Variants in FLT3 observed in about 807,000 individuals in gnomAD.
FLT3 encodes the protein receptor-type tyrosine-protein kinase FLT3.
A neutral mutation model predicts 126.6 loss-of-function variants in FLT3; 46 were observed. The observed-to-expected ratio is 0.36, with a 90% CI of 0.29 to 0.46. FLT3 has a LOEUF of 0.46. FLT3 is among the 20% of genes least tolerant of loss of function. FLT3 has a pLI of 1.00. For synonymous variants in FLT3, 404 were observed against 434.4 expected (o/e 0.93, Z 0.87); for missense variants, 1,069 against 1,190.3 (o/e 0.90, Z 1.50).
chr13:28,094,542 C>T (rs541921191), intron 1 of FLT3, among the ~76,000 whole-genome samples: 4 of 152,164 alleles, frequency 2.6e-5, no homozygotes, highest in African/African-American at 9.6e-5. Context: ...CTCTGTCACC[C>T]ACGTTAGAGT....
chr13:28,019,830 C>T (rs1290055549), intron 19 of FLT3, among the ~76,000 whole-genome samples: 1 of 152,280 alleles, frequency 6.6e-6, no homozygotes, highest in Non-Finnish European at 1.5e-5. Context: ...CCTGCTTTCT[C>T]CCCACTGCTC....
At chr13:28,042,049 G>A in intron 9 of FLT3, among the ~76,000 whole-genome samples, 1 of 151,734 alleles carries the variant, frequency 6.6e-6, no homozygotes, top group East Asian at 1.9e-4. Flanking sequence ...AGCTATTCGG[G>A]AGGCTGAGGC....
intron 23 of FLT3, among the ~76,000 whole-genome samples, chr13:28,010,772 C>G (rs1871286369): frequency 6.6e-6 from 1 of 151,978 alleles, no homozygotes; most frequent in South Asian, 2.1e-4. Flanking sequence ...CTTGGGAGGC[C>G]GAGGCAGGCG....
intron 2 of FLT3, among the ~76,000 whole-genome samples, chr13:28,068,711 G>A (rs1370099795): frequency 2.6e-5 from 4 of 152,034 alleles, no homozygotes; most frequent in South Asian, 2.1e-4. Flanking sequence ...GACCACAGGC[G>A]CACACCACCA....
chr13:28,006,941 A>AT (rs1222781324), intron 23 of FLT3, among the ~76,000 whole-genome samples: 1 of 151,932 alleles, frequency 6.6e-6, no homozygotes, highest in Non-Finnish European at 1.5e-5. Context: ...GGGTTTCACC[A>AT]TGTTGACCAG....
intron 23 of FLT3, among the ~76,000 whole-genome samples, chr13:28,010,600 A>C (rs1436216278): frequency 1.3e-5 from 2 of 152,140 alleles, no homozygotes. Flanking sequence ...ATCTAATCCC[A>C]TTGGTGTTGA....
chr13:28,012,639 A>G (rs903190243), intron 23 of FLT3, among the ~76,000 whole-genome samples: 16 of 152,158 alleles, frequency 1.1e-4, no homozygotes, highest in African/African-American at 3.6e-4. Flanking sequence ...AGTAACATCA[A>G]TCAGTCCTCT....
At chr13:28,019,059 C>T (rs1872151127) in intron 19 of FLT3, among the ~76,000 whole-genome samples, 1 of 151,674 alleles carries the variant, frequency 6.6e-6, no homozygotes, top group Non-Finnish European at 1.5e-5. Flanking sequence ...CCTCTGCGTC[C>T]CAGGTTCAAG....
At position 28,057,443 on chromosome 13, in the gene FLT3, T is replaced by C. The variant is rs374234147; in HGVS notation, c.388A>G (p.Ile130Val). ...GCTTGGGTTTCTGTCATTTTCAAAATGACCATGGAAACAACTCCTCTGCAA... is the reference window on the plus strand; with the variant it reads ...GCTTGGGTTTCTGTCATTTTCAAAACGACCATGGAAACAACTCCTCTGCAA... The part of the protein sequence containing the change: ...LQNRGVVSMV[I>V]LKMTETQAGE... Residue 130 changes from isoleucine to valine, a missense_variant, in exon 4 of 24, where the codon ATT (isoleucine) becomes GTT (valine). Ile to Val is a conservative substitution (Grantham distance 29, BLOSUM62 3). Transcript: ENST00000241453. 3 of 1,548,802 alleles carry C rather than the reference T, an allele frequency of 1.9e-6. No homozygotes were observed. The highest frequency in any genetic ancestry group is 2.7e-5 in the African/African-American group (2 of 73,708).
intron 1 of FLT3, among the ~76,000 whole-genome samples, chr13:28,087,100 T>G (rs1045864145): frequency 6.6e-6 from 1 of 152,220 alleles, no homozygotes; most frequent in African/African-American, 2.4e-5. Flanking sequence ...TTATTAGTTT[T>G]GCTCTGTTGT....
intron 1 of FLT3, among the ~76,000 whole-genome samples, chr13:28,072,013 T>C (rs2137791875): frequency 6.6e-6 from 1 of 152,132 alleles, no homozygotes; most frequent in Non-Finnish European, 1.5e-5. Flanking sequence ...ACTTTCTCCT[T>C]CTCCACCCTC....
intron 1 of FLT3, among the ~76,000 whole-genome samples, chr13:28,092,861 A>T (rs1250021304): frequency 6.7e-6 from 1 of 148,680 alleles, no homozygotes; most frequent in Non-Finnish European, 1.5e-5. Context: ...TCACACACAC[A>T]TACACACACA....
At chr13:28,032,728 A>G (rs1212998382) in intron 15 of FLT3, among the ~76,000 whole-genome samples, 4 of 152,230 alleles carry the variant, frequency 2.6e-5, no homozygotes, top group Admixed American at 2.0e-4. Context: ...CAAAGGACTG[A>G]GAAGGGCAGA....
At chr13:28,096,441 AT>A (rs5802464) in intron 1 of FLT3, among the ~76,000 whole-genome samples, 24,027 of 146,592 alleles carry the variant, frequency 0.16, 1,972 homozygotes, top group Middle Eastern at 0.25. Context: ...GACGCATGCA[AT>A]TTTTTTTTTT....
chr13:28,003,411 C>T lies in FLT3; in HGVS notation c.*641G>A. The T allele has an allele frequency of 4.3e-6, 1 of 233,784 alleles. No individual in the cohort carries two copies. Among genetic ancestry groups the T allele is most frequent in the Non-Finnish European group, 8.4e-6 (1 of 118,468 alleles). 14.5% of individuals were successfully genotyped at this position (233,784 alleles called of 1,614,324 possible). On this transcript the variant is annotated 3_prime_UTR_variant, in exon 24 of 24. Coordinates refer to ENST00000241453, the MANE Select transcript of FLT3 (RefSeq NM_004119.3). The stretch of plus-strand genomic sequence containing the variant: ...TAGAACACCTATTCATTATAAACTT[C>T]CCCCAATACAACCCCTGTTGTTGCA...
intron 3 of FLT3, among the ~76,000 whole-genome samples, chr13:28,058,074 G>T (rs1321079229): frequency 1.3e-5 from 2 of 151,054 alleles, no homozygotes; most frequent in Non-Finnish European, 3.0e-5. Flanking sequence ...CAAAAGCACA[G>T]TAAGCTGGGT....
At position 28,055,038 on chromosome 13, in the gene FLT3, A is replaced by T. The variant is rs545873871; in HGVS notation, c.484+2309T>A. 2.0e-5 allele frequency among the ~76,000 whole-genome samples: 3 copies of T among 152,298 alleles called. No individual in the cohort carries two copies. In the East Asian group the frequency reaches 5.8e-4, roughly 29 times the overall value. On this transcript the variant is annotated intron_variant, in intron 4 of 23. Transcript: ENST00000241453. ...AATCCTTTGTTGATTGTGAACTGCAAGTATTTTTTCCCATCTTGAGGTGAT... is the reference window on the plus strand; with the variant it reads ...AATCCTTTGTTGATTGTGAACTGCATGTATTTTTTCCCATCTTGAGGTGAT...
At position 28,010,734 on chromosome 13, in the gene FLT3, TGGTG is replaced by T. The variant is rs573447371; in HGVS notation, c.2859+3714_2859+3717del. Among the ~76,000 whole-genome samples the T allele has an allele frequency of 3.7e-3, 571 of 152,304 alleles. 3 individuals carry two copies. The highest frequency in any genetic ancestry group is 6.8e-3 in the Middle Eastern group (2 of 294). The stretch of plus-strand genomic sequence containing the variant: ...CAGAAACAAAGATTCTGGCCGGGCA[TGGTG>T]GCTCATGCCTGTAATCCCCCCACCT... On this transcript the variant is annotated intron_variant, in intron 23 of 23. Coordinates refer to ENST00000241453, the MANE Select transcript of FLT3 (RefSeq NM_004119.3).
intron 9 of FLT3, among the ~76,000 whole-genome samples, chr13:28,042,047 G>A (rs1464524085): frequency 6.6e-6 from 1 of 151,590 alleles, no homozygotes; most frequent in African/African-American, 2.4e-5. Flanking sequence ...CCAGCTATTC[G>A]GGAGGCTGAG....
Sources: allele counts gnomAD v4.1 joint callset (sites outside exome capture counted in the v4.1 genomes callset), GRCh38; gene constraint gnomAD v4.1.1; transcripts MANE v1.5; gene names NCBI Gene and HGNC (gene_info 2026-07-23, HGNC 2026-07-21).